The following PKD2 variants were observed in gnomAD, a reference collection of about 807,000 sequenced individuals.
PKD2 encodes the protein polycystin-2.
Under a neutral mutation model 105.9 loss-of-function variants are expected in PKD2, and 48 were observed. The observed-to-expected ratio is 0.45, with a 90% CI of 0.36 to 0.58. The LOEUF is 0.58. Ranked by LOEUF, PKD2 falls within the 20% of genes least tolerant of loss-of-function variation. The pLI is 0.00. For missense variants in PKD2, 1,078 were observed against 1,255.3 expected, an observed-to-expected ratio of 0.86 and a Z score of 2.13; for synonymous variants, 464 against 481.1, an observed-to-expected ratio of 0.96 and a Z score of 0.46.
chr4:88,037,631 T>C (rs75826798), intron 3 of PKD2, among the ~76,000 whole-genome samples: 3,572 of 152,324 alleles, frequency 0.023, 55 homozygotes, highest in South Asian at 0.059. Flanking sequence ...CAAATCAGTC[T>C]ATCTCTGTTG....
intron 6 of PKD2, among the ~76,000 whole-genome samples, chr4:88,048,445 A>G (rs1346220022): frequency 6.6e-6 from 1 of 152,222 alleles, no homozygotes; most frequent in African/African-American, 2.4e-5. Flanking sequence ...ACATGGCCAT[A>G]TATTGCATGG....
chr4:88,068,054 T>G lies in PKD2; in HGVS notation c.2515T>G (p.Phe839Val). ...TTCTAGTGGCGTTTCTTACGAAGAG[T>G]TTCAAGTGTAAGTATAAAGGAATTG... is the stretch of plus-strand genomic sequence containing the variant. ...SISSGVSYEE[F>V]QVLVRRVDRM... is the part of the protein sequence containing the mutation. The change falls in exon 13 of 15, where the codon TTT becomes GTT. Residue 839 changes from phenylalanine (F) to valine (V), a missense_variant. Transcript: ENST00000237596. 1 of 1,613,264 alleles carries G rather than the reference T, an allele frequency of 6.2e-7. No homozygotes were observed. Among genetic ancestry groups the G allele is most frequent in the South Asian group, 1.1e-5 (1 of 91,038 alleles).
At chr4:88,063,539 AAAAAGAAAAG>A (rs557952189) in intron 10 of PKD2, among the ~76,000 whole-genome samples, 13 of 152,142 alleles carry the variant, frequency 8.5e-5, no homozygotes, top group South Asian at 2.1e-4. Flanking sequence ...CTCAAAAAAA[AAAAAGAAAAG>A]AAAAGAAAAG....
rs184862178 is a variant in PKD2, at chr4:88,030,724, A to G, written c.710-5496A>G. Among the ~76,000 whole-genome samples, 3 of 152,328 alleles carry G rather than the reference A, an allele frequency of 2.0e-5. No individual in the cohort carries two copies. In the East Asian group the frequency reaches 5.8e-4, roughly 29 times the overall value. ...GCCATTCGGGCCCACCTCTTCACAC[A>G]GGGTTGTCAGACCAGACCAGCTCAT... On this transcript the variant is annotated intron_variant, in intron 2 of 14. Transcript: ENST00000237596.
intron 4 of PKD2, among the ~76,000 whole-genome samples, chr4:88,040,222 G>A (rs963720326): frequency 7.2e-5 from 11 of 152,008 alleles, no homozygotes; most frequent in African/African-American, 2.2e-4. Flanking sequence ...CCCATGTTTC[G>A]CCTACTAAAC....
intron 8 of PKD2, among the ~76,000 whole-genome samples, chr4:88,057,260 G>A (rs1193674173): frequency 6.6e-6 from 1 of 151,464 alleles, no homozygotes; most frequent in East Asian, 1.9e-4. Context: ...AAAAGTACTG[G>A]GATTACAGGC....
intron 5 of PKD2, among the ~76,000 whole-genome samples, chr4:88,045,571 G>C (rs1727736265): frequency 6.6e-6 from 1 of 152,174 alleles, no homozygotes; most frequent in African/African-American, 2.4e-5. Flanking sequence ...AAATGAAGCA[G>C]CTAGAGATTC....
chr4:88,061,057 T>C (rs1177840896), intron 9 of PKD2, among the ~76,000 whole-genome samples: 6 of 152,224 alleles, frequency 3.9e-5, no homozygotes, highest in African/African-American at 1.4e-4. Flanking sequence ...TTCTTTACTA[T>C]CTGCCTAGTA....
intron 2 of PKD2, among the ~76,000 whole-genome samples, chr4:88,028,979 T>A (rs1727050264): frequency 6.6e-6 from 1 of 152,216 alleles, no homozygotes; most frequent in Non-Finnish European, 1.5e-5. Flanking sequence ...TTAAAATTGT[T>A]ACTTACTATT....
chr4:88,070,946 T>C (rs1721011751), intron 13 of PKD2, among the ~76,000 whole-genome samples: 1 of 151,898 alleles, frequency 6.6e-6, no homozygotes, highest in African/African-American at 2.4e-5. Flanking sequence ...GAATTTTTTA[T>C]TTATTATACT....
At position 88,038,310 on chromosome 4, in the gene PKD2, T is replaced by C. The variant is rs765378574; in HGVS notation, c.903T>C (p.Thr301=). 6.2e-7 allele frequency: 1 copy of C among 1,613,892 alleles called. No individual in the cohort carries two copies. Among genetic ancestry groups the C allele is most frequent in the East Asian group, 2.2e-5 (1 of 44,884 alleles). The change falls in exon 4 of 15, where the codon ACT becomes ACC. Residue 301 remains threonine (T), a synonymous_variant. Transcript: ENST00000237596. The part of the protein sequence containing the change: ...LYWKMQPSNQ[T]EADNRSFIFY... ...GGAAGATGCAGCCCAGCAACCAGAC[T>C]GAAGCTGACAACCGAAGTTTCATCT...
At chr4:88,070,595 TATATATAGAG>T (rs1279248990) in intron 13 of PKD2, among the ~76,000 whole-genome samples, 33 of 98,422 alleles carry the variant, frequency 3.4e-4, no homozygotes, top group Admixed American at 6.1e-4. Context: ...TATATATATA[TATATATAGAG>T]AGAGAGAGAG....
intron 6 of PKD2, 98 bp from the exon 7 acceptor site, chr4:88,051,893 T>C (rs1720117602): frequency 5.8e-6 from 4 of 691,770 alleles, no homozygotes; most frequent in Non-Finnish European, 1.0e-5. Context: ...TGAGCCCTTA[T>C]AATTAATACA....
intron 13 of PKD2, among the ~76,000 whole-genome samples, chr4:88,071,330 A>G (rs531290891): frequency 1.4e-4 from 22 of 152,198 alleles, no homozygotes; most frequent in African/African-American, 4.3e-4. Context: ...GATTACAGGC[A>G]TGAACCACTG....
chr4:88,035,477 A>G (rs1560606688), intron 2 of PKD2, among the ~76,000 whole-genome samples: 1 of 152,176 alleles, frequency 6.6e-6, no homozygotes, highest in Non-Finnish European at 1.5e-5. Flanking sequence ...GATGCACTCA[A>G]AAAGTTACTA....
At chr4:88,041,693 G>A (rs1328315898) in intron 4 of PKD2, among the ~76,000 whole-genome samples, 1 of 152,192 alleles carries the variant, frequency 6.6e-6, no homozygotes, top group Non-Finnish European at 1.5e-5. Context: ...CCGACTCTCA[G>A]AAGGAAAGCA....
At chr4:88,063,902 C>G (rs1720679631) in intron 10 of PKD2, among the ~76,000 whole-genome samples, 1 of 151,914 alleles carries the variant, frequency 6.6e-6, no homozygotes, top group Admixed American at 6.6e-5. Flanking sequence ...CTCCTGTAAT[C>G]CCAGCACTTT....
At chr4:88,042,940 TAGAGC>T (rs1460950870) in intron 4 of PKD2, among the ~76,000 whole-genome samples, 2 of 152,272 alleles carry the variant, frequency 1.3e-5, no homozygotes, top group East Asian at 3.9e-4. Flanking sequence ...GCAGAGGCTC[TAGAGC>T]AGAGCAGAGG....
rs374654438 is a variant in PKD2 at position 88,057,878 on chromosome 4, A to G, written c.1899-105A>G. 715 of 888,506 alleles carry G rather than the reference A, an allele frequency of 8.0e-4. 19 individuals are homozygous for G. The South Asian group carries it at 9.0e-3, about 11-fold the overall frequency. The allele number at this position is 888,506 out of a possible 1,614,324, so 55.0% of individuals were successfully genotyped here. On this transcript the variant is annotated intron_variant, in intron 8 of 14. Transcript: ENST00000237596. Reference sequence around the variant, plus strand: ...TTTCTGTTATTCGGCAGCTACCTATACTGCTAAAAGGTCCAAAAATAATGA... The same window carrying G: ...TTTCTGTTATTCGGCAGCTACCTATGCTGCTAAAAGGTCCAAAAATAATGA...
Sources: allele counts gnomAD v4.1 joint callset (sites outside exome capture counted in the v4.1 genomes callset), GRCh38; gene constraint gnomAD v4.1.1; transcripts MANE v1.5; gene names NCBI Gene and HGNC (gene_info 2026-07-23, HGNC 2026-07-21).